PXDC1: variants seen among roughly 807,000 people sequenced by gnomAD.
The protein encoded by PXDC1 is PX domain containing 1, also known as PX domain-containing protein 1.
In PXDC1, 13 loss-of-function variants were observed where a neutral mutation model predicts 24.4. The ratio of observed to expected loss-of-function variants is 0.53; its 90% confidence interval spans 0.35 to 0.85. The LOEUF is 0.85. Ranked by LOEUF, PXDC1 falls within the 40% of genes least tolerant of loss-of-function variation. PXDC1 has a pLI of 0.01. For missense variants in PXDC1, 344 were observed against 309.3 expected, an observed-to-expected ratio of 1.11 and a Z score of -0.84; for synonymous variants, 162 against 124.9, an observed-to-expected ratio of 1.30 and a Z score of -1.98.
At position 3,733,656 on chromosome 6, in the gene PXDC1, C is replaced by T. The variant is rs532119038; in HGVS notation, c.466+3423G>A. Among the ~76,000 whole-genome samples, 3 of 152,246 alleles carry T rather than the reference C, an allele frequency of 2.0e-5. No individual in the cohort carries two copies. The East Asian group carries it at 5.8e-4, about 29-fold the overall frequency. On this transcript the variant is annotated intron_variant, in intron 3 of 4. Coordinates refer to ENST00000380283, the MANE Select transcript of PXDC1 (RefSeq NM_183373.4). The stretch of plus-strand genomic sequence containing the variant: ...TCTGCAAGGCTGCAAGAGGCCATAC[C>T]GCCTGCCGCCTCCTGCAGCAACACC...
At position 3,751,477 on chromosome 6, in the gene PXDC1, A is replaced by T; in HGVS notation, c.55T>A (p.Cys19Ser). The T allele has an allele frequency of 6.2e-7, 1 of 1,604,500 alleles. No homozygotes were observed. Among genetic ancestry groups the T allele is most frequent in the Non-Finnish European group, 8.5e-7 (1 of 1,176,914 alleles). ...AGCCTGCGGATGCCGTTCACCCAGC[A>T]GCCGCGCACGAACATGTTCACGAGC... ...TSLVNMFVRGCWVNGIRRLIV... is the reference protein window; with the variant it reads ...TSLVNMFVRGSWVNGIRRLIV... The change falls in exon 1 of 5, where the codon TGC becomes AGC. Residue 19 changes from cysteine (C) to serine (S), a missense_variant. Transcript: ENST00000380283.
intron 1 of PXDC1, among the ~76,000 whole-genome samples, chr6:3,748,459 T>G (rs1760619184): frequency 6.6e-6 from 1 of 152,096 alleles, no homozygotes; most frequent in Admixed American, 6.5e-5. Flanking sequence ...AGAGCGCTAG[T>G]GAGCACTGTG....
At chr6:3,741,600 A>C (rs539393374) in intron 1 of PXDC1, among the ~76,000 whole-genome samples, 1 of 152,358 alleles carries the variant, frequency 6.6e-6, no homozygotes, top group Admixed American at 6.5e-5. Context: ...GAGGGGCCGC[A>C]GCTGATTCAT....
Position 3,738,108 on chromosome 6 carries a change from C to G in PXDC1, c.297G>C (p.Arg99Ser), listed in dbSNP as rs770959028. 1.2e-6 allele frequency: 2 copies of G among 1,614,128 alleles called. No individual in the cohort carries two copies. Among genetic ancestry groups the G allele is most frequent in the East Asian group, 2.2e-5 (1 of 44,866 alleles). Reference sequence around the variant, plus strand: ...TCAGCAGCTTCTCCACCTCATTAAGCCTGGTCTCTATGTCGTGGGCTTCCT... The same window carrying G: ...TCAGCAGCTTCTCCACCTCATTAAGGCTGGTCTCTATGTCGTGGGCTTCCT... ...AIKEAHDIET[R>S]LNEVEKLLKT... The change falls in exon 2 of 5, where the codon AGG becomes AGC. Residue 99 changes from arginine (R) to serine (S), a missense_variant. Coordinates refer to ENST00000380283, the MANE Select transcript of PXDC1 (RefSeq NM_183373.4).
chr6:3,727,967 G>A (rs1760107779), intron 3 of PXDC1, among the ~76,000 whole-genome samples: 1 of 152,128 alleles, frequency 6.6e-6, no homozygotes, highest in African/African-American at 2.4e-5. Context: ...GTACAAAGAA[G>A]GAGTACTGGG....
In PXDC1 at chr6:3,723,666, G is replaced by A; in HGVS notation, c.649C>T (p.Leu217=). Residue 217 remains leucine, a synonymous_variant, in exon 5 of 5, where the codon CTG becomes TTG. Transcript: ENST00000380283. ...GDDPAAYVTN[L]SYYHLVPFET... The stretch of plus-strand genomic sequence containing the variant: ...AAGGGGACCAGGTGGTAATATGACA[G>A]GTTGGTGACGTAGGCTGCTGGGTCG... 1 of 1,614,230 alleles carries A rather than the reference G, an allele frequency of 6.2e-7. No homozygotes were observed. The highest frequency in any genetic ancestry group is 8.5e-7 in the Non-Finnish European group (1 of 1,180,030).
intron 1 of PXDC1, 48 bp downstream of exon 1, chr6:3,751,228 T>A: frequency 7.3e-7 from 1 of 1,375,608 alleles, no homozygotes; most frequent in Non-Finnish European, 9.5e-7. Flanking sequence ...TTCGTGCACT[T>A]CAAGGCTGCC....
At chr6:3,741,671 C>A (rs569758009) in intron 1 of PXDC1, among the ~76,000 whole-genome samples, 2 of 152,326 alleles carry the variant, frequency 1.3e-5, no homozygotes, top group Non-Finnish European at 2.9e-5. Context: ...CACAACTGGG[C>A]TGCTGTTGCT....
At chr6:3,738,226 C>A in intron 1 of PXDC1, 78 bp from the exon 2 acceptor site, 2 of 1,077,540 alleles carry the variant, frequency 1.9e-6, no homozygotes, top group Non-Finnish European at 2.9e-6. Flanking sequence ...ACAACAGGTG[C>A]CCACAAACCG....
At chr6:3,742,994 G>A (rs1054466618) in intron 1 of PXDC1, among the ~76,000 whole-genome samples, 3 of 152,196 alleles carry the variant, frequency 2.0e-5, no homozygotes, top group Admixed American at 2.0e-4. Flanking sequence ...AACTGAACGC[G>A]CTGGAGGCAG....
intron 3 of PXDC1, among the ~76,000 whole-genome samples, chr6:3,730,883 A>G (rs1760181017): frequency 6.6e-6 from 1 of 152,236 alleles, no homozygotes; most frequent in Non-Finnish European, 1.5e-5. Flanking sequence ...AAGCATGCAG[A>G]CTGCAGCTGG....
At chr6:3,751,090 G>A (rs943376968) in intron 1 of PXDC1, 186 bp downstream of exon 1, 8 of 509,998 alleles carry the variant, frequency 1.6e-5, no homozygotes, top group African/African-American at 2.0e-5. Flanking sequence ...GGGCAGGCTG[G>A]CTCCCCGTCC....
At chr6:3,751,038 T>G (rs1210546921) in intron 1 of PXDC1, 3 of 464,996 alleles carry the variant, frequency 6.5e-6, no homozygotes, top group Non-Finnish European at 1.1e-5. Context: ...TCGGCCCCTT[T>G]CCCGCCCCAT....
intron 3 of PXDC1, among the ~76,000 whole-genome samples, chr6:3,735,183 T>C (rs1256516043): frequency 6.6e-6 from 1 of 152,126 alleles, no homozygotes; most frequent in Non-Finnish European, 1.5e-5. Context: ...GCCAGAGGCA[T>C]CACACTACAC....
rs1350381502 is a variant in PXDC1 at position 3,751,263 on chromosome 6, C to T, written c.256+13G>A. 1 of 1,469,382 alleles carries T rather than the reference C, an allele frequency of 6.8e-7. No homozygotes were observed. The highest frequency in any genetic ancestry group is 1.3e-5 in the South Asian group (1 of 74,380). The allele number at this position is 1,469,382 out of a possible 1,614,324, so 91.0% of individuals were successfully genotyped here. On this transcript the variant is annotated intron_variant, in intron 1 of 4. Coordinates refer to ENST00000380283, the MANE Select transcript of PXDC1 (RefSeq NM_183373.4). ...CTCGGCCCCGCGCCCCTCCCGCGTCCCCGGCCCCGCACCTTGCCGCAGCGG... is the reference window on the plus strand; with the variant it reads ...CTCGGCCCCGCGCCCCTCCCGCGTCTCCGGCCCCGCACCTTGCCGCAGCGG...
At chr6:3,735,648 C>G (rs778795577) in intron 3 of PXDC1, among the ~76,000 whole-genome samples, 1 of 152,072 alleles carries the variant, frequency 6.6e-6, no homozygotes, top group Non-Finnish European at 1.5e-5. Context: ...TCAGTGAGCA[C>G]GAAGTGACAG....
At position 3,724,973 on chromosome 6, in the gene PXDC1, G is replaced by A. The variant is rs1218329059; in HGVS notation, c.579-1237C>T. Among the ~76,000 whole-genome samples the A allele has an allele frequency of 6.6e-6, 1 of 152,130 alleles. No individual in the cohort carries two copies. The highest frequency in any genetic ancestry group is 2.4e-5 in the African/African-American group (1 of 41,422). ...GAGTGTGGTGTCAGCCCCCGCCTCGGCTTCCCTATGCTCACGGTCCTGGCA... is the reference window on the plus strand; with the variant it reads ...GAGTGTGGTGTCAGCCCCCGCCTCGACTTCCCTATGCTCACGGTCCTGGCA... On this transcript the variant is annotated intron_variant, in intron 4 of 4. Transcript: ENST00000380283. The surrounding 1 kb of genome is among the most constrained non-coding windows in gnomAD (Gnocchi z 4.5).
At chr6:3,746,939 G>A (rs1180715529) in intron 1 of PXDC1, among the ~76,000 whole-genome samples, 1 of 152,136 alleles carries the variant, frequency 6.6e-6, no homozygotes, top group African/African-American at 2.4e-5. Flanking sequence ...TGTCCCAGAT[G>A]CCAGTCCCCT....
chr6:3,750,623 G>A (rs1195175935), intron 1 of PXDC1, among the ~76,000 whole-genome samples: 2 of 152,218 alleles, frequency 1.3e-5, no homozygotes, highest in Non-Finnish European at 2.9e-5. Flanking sequence ...GAGCCAGGAC[G>A]GTCACGAGGC....
Sources: allele counts gnomAD v4.1 joint callset (sites outside exome capture counted in the v4.1 genomes callset), GRCh38; gene constraint gnomAD v4.1.1; non-coding constraint Gnocchi (gnomAD v3.1); transcripts MANE v1.5; gene names NCBI Gene and HGNC (gene_info 2026-07-23, HGNC 2026-07-21).